Variants in GASK1A observed in about 807,000 individuals in gnomAD.
GASK1A encodes the protein Golgi-associated kinase 1A.
GASK1A carries 40 observed loss-of-function variants against 41.2 expected under a neutral mutation model. The ratio of observed to expected loss-of-function variants is 0.97; its 90% CI spans 0.75 to 1.27. The LOEUF is 1.27. GASK1A is among the 50% of genes most tolerant of loss of function. GASK1A has a pLI of 0.00. For synonymous variants in GASK1A, 316 were observed against 307.1 expected (o/e 1.03, Z -0.30); for missense variants, 678 against 745.1 (o/e 0.91, Z 1.05).
rs1553613919 is a variant in GASK1A, at chr3:42,997,430, CA to C, written c.3+17786del. ...TACTTTCACACGCATGAGAGAGAGA[CA>C]GAGAGAGGGGGGGGGGATCTGGGAT... On this transcript the variant is annotated intron_variant, in intron 1 of 4. Coordinates refer to ENST00000430121, the MANE Select transcript of GASK1A (RefSeq NM_001129908.3). 1.9e-3 allele frequency among the ~76,000 whole-genome samples: 261 copies of C among 136,966 alleles called. 1 individual carries two copies. The highest frequency in any genetic ancestry group is 4.1e-3 in the Admixed American group (55 of 13,382). 89.9% of individuals were successfully genotyped at this position (136,966 alleles called of 152,430 possible).
In GASK1A at chr3:42,984,569, G is replaced by A. The variant is rs146718399; in HGVS notation, c.3+4924G>A. ...AAGAGTGGAAGGAAAGCAGGATGAG[G>A]GCTGATGTGAAGGGTGAGGAAACAG... is the stretch of plus-strand genomic sequence containing the variant. On this transcript the variant is annotated intron_variant, in intron 1 of 4. Transcript: ENST00000430121. This position sits in a 1 kb window ranked among gnomAD's most constrained non-coding sequence, Gnocchi z 4.2. Among the ~76,000 whole-genome samples, 1 of 152,210 alleles carries A rather than the reference G, an allele frequency of 6.6e-6. No individual in the cohort carries two copies. The highest frequency in any genetic ancestry group is 2.4e-5 in the African/African-American group (1 of 41,530).
intron 2 of GASK1A, chr3:43,037,150 C>G: frequency 9.7e-7 from 1 of 1,032,122 alleles, no homozygotes; most frequent in Non-Finnish European, 1.5e-6. Context: ...GGCAGACCTC[C>G]TTATGCTGCT....
chr3:43,013,811 A>G (rs1170980067), intron 1 of GASK1A, among the ~76,000 whole-genome samples: 1 of 151,990 alleles, frequency 6.6e-6, no homozygotes, highest in Non-Finnish European at 1.5e-5. Context: ...ATGAACTCAC[A>G]CAAAGGGGCT....
At chr3:43,029,010 A>T (rs886425934) in intron 1 of GASK1A, among the ~76,000 whole-genome samples, 1 of 152,082 alleles carries the variant, frequency 6.6e-6, no homozygotes, top group African/African-American at 2.4e-5. Flanking sequence ...ATGGGGTGTC[A>T]GGTGAGGGGG....
chr3:43,011,454 G>A (rs931804772), intron 1 of GASK1A, among the ~76,000 whole-genome samples: 1 of 151,768 alleles, frequency 6.6e-6, no homozygotes, highest in African/African-American at 2.4e-5. Context: ...TTTTCTGTAT[G>A]TAAGAACCCA....
At chr3:43,053,311 A>G (rs891872627) in intron 2 of GASK1A, among the ~76,000 whole-genome samples, 2 of 152,230 alleles carry the variant, frequency 1.3e-5, no homozygotes, top group Admixed American at 6.5e-5. Context: ...CTGAGGCATG[A>G]GCAAACAGCT....
intron 1 of GASK1A, among the ~76,000 whole-genome samples, chr3:43,023,676 T>G (rs551688768): frequency 1.3e-5 from 2 of 152,168 alleles, no homozygotes; most frequent in African/African-American, 4.8e-5. Flanking sequence ...TAAAAGCATA[T>G]CTAATTGGGA....
chr3:43,028,440 T>TA (rs762626014), intron 1 of GASK1A, among the ~76,000 whole-genome samples: 23 of 152,242 alleles, frequency 1.5e-4, no homozygotes, highest in Non-Finnish European at 2.6e-4. Context: ...ATACAGAAAA[T>TA]ATACCATAAA....
At chr3:43,037,434 TTAAA>T (rs1467987411) in intron 2 of GASK1A, 3 of 850,702 alleles carry the variant, frequency 3.5e-6, no homozygotes, top group African/African-American at 1.7e-5. Context: ...GGCAGCTGTC[TTAAA>T]TAAAGAAGAG....
At chr3:42,996,874 G>A (rs1421332886) in intron 1 of GASK1A, among the ~76,000 whole-genome samples, 2 of 152,250 alleles carry the variant, frequency 1.3e-5, no homozygotes, top group South Asian at 2.1e-4. Flanking sequence ...TCTACACTGA[G>A]CCTCAGGACT....
Position 42,979,511 on chromosome 3 carries a change from C to A in GASK1A, c.-132C>A, listed in dbSNP as rs1238613842. 1.9e-5 allele frequency: 20 copies of A among 1,044,384 alleles called. No individual in the cohort carries two copies. Among genetic ancestry groups the A allele is most frequent in the Admixed American group, 4.3e-5 (1 of 23,434 alleles). The allele number at this position is 1,044,384 out of a possible 1,614,324, so 64.7% of individuals were successfully genotyped here. A position where few individuals can be genotyped will look rare whatever the true frequency, so the allele number is the denominator to read the frequency against. On this transcript the variant is annotated 5_prime_UTR_variant, in exon 1 of 5. Coordinates refer to ENST00000430121, the MANE Select transcript of GASK1A (RefSeq NM_001129908.3). The stretch of plus-strand genomic sequence containing the variant: ...GTGTGCACCTTCAGTCCGGGAAACC[C>A]GCCCCAGCCGAGTAGCCGCGCATCC...
At chr3:42,979,744 G>C (rs1461012592) in intron 1 of GASK1A, 99 bp downstream of exon 1, 1 of 1,186,916 alleles carries the variant, frequency 8.4e-7, no homozygotes, top group African/African-American at 1.6e-5. Context: ...CGCGCAGCCT[G>C]CGCGGCCTCC....
intron 1 of GASK1A, among the ~76,000 whole-genome samples, chr3:43,017,328 T>C (rs1277960542): frequency 5.0e-3 from 409 of 82,096 alleles, no homozygotes; most frequent in Middle Eastern, 0.026. Flanking sequence ...TGTGAAGTCA[T>C]AGGAAGGGGC....
rs200429386 is a variant in GASK1A, at chr3:43,033,000, C to T, written c.737C>T (p.Thr246Met). 2,189 of 1,551,650 alleles carry T rather than the reference C, an allele frequency of 1.4e-3. 2 individuals are homozygous for T. Among genetic ancestry groups the T allele is most frequent in the Admixed American group, 2.2e-3 (113 of 51,002 alleles). ...LQGSVWCDAETLLSSSRTGGQ... is the reference protein window; with the variant it reads ...LQGSVWCDAEMLLSSSRTGGQ... ...GGGTCAGTATGGTGTGATGCTGAGA[C>T]GCTGTTGAGCAGCTCGAGGACTGGT... The change falls in exon 2 of 5, where the codon ACG becomes ATG. Residue 246 changes from threonine (T) to methionine (M), a missense_variant. By Grantham distance (81) the Thr-to-Met change is moderately conservative. Coordinates refer to ENST00000430121, the MANE Select transcript of GASK1A (RefSeq NM_001129908.3).
intron 1 of GASK1A, among the ~76,000 whole-genome samples, chr3:43,019,335 C>G (rs1337950417): frequency 1.3e-5 from 2 of 152,146 alleles, no homozygotes; most frequent in Non-Finnish European, 2.9e-5. Flanking sequence ...GTGGAGCAAA[C>G]AGCCCAGCCT....
At chr3:43,042,813 G>A (rs759737299) in intron 2 of GASK1A, among the ~76,000 whole-genome samples, 5 of 152,174 alleles carry the variant, frequency 3.3e-5, no homozygotes, top group African/African-American at 9.7e-5. Context: ...GCCGGCTTCC[G>A]AAGATGGTGC....
At position 43,008,860 on chromosome 3, in the gene GASK1A, G is replaced by T. The variant is rs139565285; in HGVS notation, c.4-23407G>T. On this transcript the variant is annotated intron_variant, in intron 1 of 4. Transcript: ENST00000430121. Reference sequence around the variant, plus strand: ...CACGCTTTCCTCTCAGTTATGGTTTGCCAGTGTTCAGAATGCTGTGACTGT... The same window carrying T: ...CACGCTTTCCTCTCAGTTATGGTTTTCCAGTGTTCAGAATGCTGTGACTGT... Among the ~76,000 whole-genome samples, 399 of 152,312 alleles carry T rather than the reference G, an allele frequency of 2.6e-3. 3 individuals carry two copies. The highest frequency in any genetic ancestry group is 9.1e-3 in the African/African-American group (379 of 41,568).
chr3:43,014,654 G>A (rs999933203), intron 1 of GASK1A, among the ~76,000 whole-genome samples: 1 of 151,930 alleles, frequency 6.6e-6, no homozygotes, highest in African/African-American at 2.4e-5. Context: ...GCTATGGGAA[G>A]TCACAAGAAG....
In GASK1A at chr3:42,980,569, C is replaced by G. The variant is rs560381014; in HGVS notation, c.3+924C>G. Among the ~76,000 whole-genome samples, 5 of 152,194 alleles carry G rather than the reference C, an allele frequency of 3.3e-5. No individual in the cohort carries two copies. In the East Asian group the frequency reaches 7.7e-4, roughly 24 times the overall value. On this transcript the variant is annotated intron_variant, in intron 1 of 4. Transcript: ENST00000430121. The stretch of plus-strand genomic sequence containing the variant: ...TGCTTTGTGGGGAGTTTTGCTGGGC[C>G]TGGGGTTTAGAAGGCTGTCTAGAGA...
Sources: allele counts gnomAD v4.1 joint callset (sites outside exome capture counted in the v4.1 genomes callset), GRCh38; gene constraint gnomAD v4.1.1; non-coding constraint Gnocchi (gnomAD v3.1); transcripts MANE v1.5; gene names NCBI Gene and HGNC (gene_info 2026-07-23, HGNC 2026-07-21).